PPIE: variants seen among roughly 807,000 people sequenced by gnomAD.
The protein encoded by PPIE is peptidylprolyl isomerase E.
In PPIE, 20 loss-of-function variants were observed where a neutral mutation model predicts 38.4. The observed-to-expected ratio is 0.52, with a 90% CI of 0.37 to 0.76. PPIE has a LOEUF of 0.76. Among genes scored for constraint, PPIE ranks in the 30% least tolerant of loss-of-function variants. The pLI is 0.00. For missense variants in PPIE, 322 were observed against 385.8 expected (o/e 0.83, Z 1.39); for synonymous variants, 142 against 135.7 (o/e 1.05, Z -0.32).
chr1:39,752,786 C>A, intron 8 of PPIE, 124 bp from the exon 9 acceptor site: 1 of 1,148,190 alleles, frequency 8.7e-7, no homozygotes, highest in Non-Finnish European at 1.2e-6. Flanking sequence ...GCCGCATTTG[C>A]ATGTGATCTG....
chr1:39,752,174 C>T (rs1569702429), intron 8 of PPIE, among the ~76,000 whole-genome samples: 1 of 152,156 alleles, frequency 6.6e-6, no homozygotes, highest in East Asian at 1.9e-4. Context: ...GTGCCCTAAG[C>T]AGTCACACCC....
chr1:39,739,938 G>T (rs1240712499), intron 1 of PPIE, among the ~76,000 whole-genome samples: 1 of 152,168 alleles, frequency 6.6e-6, no homozygotes, highest in Admixed American at 6.5e-5. Context: ...GAGGTCAGTT[G>T]TGAAGCTATT....
At chr1:39,762,725 G>C in intron 9 of PPIE, 1 of 1,435,528 alleles carries the variant, frequency 7.0e-7, no homozygotes, top group East Asian at 2.5e-5. Flanking sequence ...CAGCGTACTC[G>C]GCGGCCCGTG....
At chr1:39,744,599 A>C (rs1647147584) in intron 6 of PPIE, among the ~76,000 whole-genome samples, 1 of 152,122 alleles carries the variant, frequency 6.6e-6, no homozygotes, top group South Asian at 2.1e-4. Flanking sequence ...GTCTCTTTCT[A>C]GTCCTGAGCT....
At position 39,748,967 on chromosome 1, in the gene PPIE, C is replaced by A; in HGVS notation, c.573C>A (p.Arg191=). ...GCTTTAAGGGAAGCAGCTTCCACCGCATCATCCCCCAGTTCATGTGCCAGG... is the reference window on the plus strand; with the variant it reads ...GCTTTAAGGGAAGCAGCTTCCACCGAATCATCCCCCAGTTCATGTGCCAGG... ...GFGFKGSSFH[R]IIPQFMCQGG... is the part of the protein sequence containing the mutation. The change falls in exon 8 of 10, where the codon CGC becomes CGA. Residue 191 remains arginine (R), a synonymous_variant. Transcript: ENST00000324379. The A allele has an allele frequency of 6.2e-7, 1 of 1,614,136 alleles. No homozygotes were observed. Among genetic ancestry groups the A allele is most frequent in the Non-Finnish European group, 8.5e-7 (1 of 1,179,988 alleles).
Position 39,743,207 on chromosome 1 carries a change from T to C in PPIE, c.202-9T>C, listed in dbSNP as rs1557443967. ...AGAGTTTAAGCAGCTGGATTTTCAA[T>C]CTTTTCAGAATGAATCTGAGCTTTT... On this transcript the variant is annotated splice_polypyrimidine_tract_variant and intron_variant, in intron 4 of 9. Coordinates refer to ENST00000324379, the MANE Select transcript of PPIE (RefSeq NM_006112.4). 6.2e-7 allele frequency: 1 copy of C among 1,613,778 alleles called. No individual in the cohort carries two copies. Among genetic ancestry groups the C allele is most frequent in the Non-Finnish European group, 8.5e-7 (1 of 1,179,654 alleles).
At chr1:39,739,313 A>T in intron 1 of PPIE, 1 of 211,770 alleles carries the variant, frequency 4.7e-6, no homozygotes, top group East Asian at 1.0e-4. Context: ...CCCGAGACGG[A>T]ATGATTATTC....
At chr1:39,741,311 T>G in intron 2 of PPIE, 55 bp from the exon 3 acceptor site, 1 of 1,548,656 alleles carries the variant, frequency 6.5e-7, no homozygotes, top group Non-Finnish European at 8.9e-7. Context: ...GACCATCCTG[T>G]TTCTTCCCAC....
chr1:39,756,706 G>T lies in PPIE; in HGVS notation c.*3351G>T. On this transcript the variant is annotated 3_prime_UTR_variant, in exon 10 of 10. Coordinates refer to ENST00000324379, the MANE Select transcript of PPIE (RefSeq NM_006112.4). ...AATTTTGTAAAAATATCTGTAATATGTAAGCATAGGTATTTGTATATCTTA... is the reference window on the plus strand; with the variant it reads ...AATTTTGTAAAAATATCTGTAATATTTAAGCATAGGTATTTGTATATCTTA... The T allele has an allele frequency of 1.6e-6, 1 of 636,148 alleles. No individual in the cohort carries two copies. The highest frequency in any genetic ancestry group is 2.0e-5 in the African/African-American group (1 of 50,498). The allele number at this position is 636,148 out of a possible 1,614,324, so 39.4% of individuals were successfully genotyped here.
intron 8 of PPIE, 107 bp downstream of exon 8, chr1:39,749,195 T>TGGAGGAGACCCAGCCACCAGAC (rs1553123916): frequency 1.6e-6 from 2 of 1,217,850 alleles, no homozygotes; most frequent in Non-Finnish European, 2.3e-6. Flanking sequence ...ACTAAGAGTC[T>TGGAGGAGACCCAGCCACCAGAC]GGAGGAGACC....
intron 5 of PPIE, 42 bp from the exon 6 acceptor site, chr1:39,743,782 C>G (rs1432968241): frequency 6.5e-7 from 1 of 1,543,218 alleles, no homozygotes; most frequent in East Asian, 2.3e-5. Context: ...TCAGTTCAAG[C>G]TGACAGCTTG....
At position 39,743,743 on chromosome 1, in the gene PPIE, T is replaced by C; in HGVS notation, c.284-81T>C. On this transcript the variant is annotated intron_variant, in intron 5 of 9. Transcript: ENST00000324379. ...CTGGCATACAGGCCACATAGCATCT[T>C]CCACTTTGCTGACCAAAGCAGCTAC... 3 of 1,136,500 alleles carry C rather than the reference T, an allele frequency of 2.6e-6. No individual in the cohort carries two copies. In the Admixed American group the frequency reaches 5.8e-5, roughly 22 times the overall value. 70.4% of individuals were successfully genotyped at this position (1,136,500 alleles called of 1,614,324 possible).
At chr1:39,747,423 T>C (rs1647259078) in intron 7 of PPIE, 1 of 151,656 alleles carries the variant, frequency 6.6e-6, no homozygotes. Context: ...CTACCAGCAA[T>C]GTATGAGTGT....
At position 39,743,084 on chromosome 1, in the gene PPIE, C is replaced by T. The variant is rs895903350; in HGVS notation, c.202-132C>T. ...CCCACAGGTGGCTTTGGGGTGGCTGCATAGCTTACTGGTAGAGGCCCAGGG... is the reference window on the plus strand; with the variant it reads ...CCCACAGGTGGCTTTGGGGTGGCTGTATAGCTTACTGGTAGAGGCCCAGGG... On this transcript the variant is annotated intron_variant, in intron 4 of 9. Transcript: ENST00000324379. 8.3e-6 allele frequency: 6 copies of T among 725,994 alleles called. No homozygotes were observed. The Middle Eastern group carries it at 1.1e-3, about 128-fold the overall frequency. The allele number at this position is 725,994 out of a possible 1,614,324, so 45.0% of individuals were successfully genotyped here.
At chr1:39,751,441 C>T (rs1647721347) in intron 8 of PPIE, among the ~76,000 whole-genome samples, 1 of 152,196 alleles carries the variant, frequency 6.6e-6, no homozygotes, top group Admixed American at 6.5e-5. Context: ...TCACTGCAGC[C>T]TCAACCTCTC....
intron 9 of PPIE, chr1:39,762,665 C>T (rs891244681): frequency 2.6e-6 from 4 of 1,529,026 alleles, no homozygotes; most frequent in Middle Eastern, 1.7e-4. Flanking sequence ...GGTGAGTGCA[C>T]ACGCACACCC....
downstream of PPIE, chr1:39,760,159 G>C: frequency 1.7e-6 from 1 of 578,588 alleles, no homozygotes; most frequent in Non-Finnish European, 3.0e-6. Context: ...ATGCCTCCGG[G>C]AGAGGCGTTT....
intron 9 of PPIE, chr1:39,762,971 A>G (rs1260309569): frequency 2.4e-6 from 3 of 1,264,748 alleles, no homozygotes; most frequent in Non-Finnish European, 3.4e-6. Flanking sequence ...CTGACTGTGC[A>G]GACAAAGCCC....
At chr1:39,763,624 C>T in intron 9 of PPIE, 1 of 1,374,112 alleles carries the variant, frequency 7.3e-7, no homozygotes, top group Non-Finnish European at 9.7e-7. Context: ...AAATTGAAGT[C>T]ACCATGATTC....
Sources: gnomAD v4.1 joint callset for allele counts (sites outside exome capture counted in the v4.1 genomes callset) on GRCh38, gnomAD v4.1.1 for gene constraint, MANE v1.5 for transcripts, NCBI Gene and HGNC (gene_info 2026-07-23, HGNC 2026-07-21) for gene names.